The following GDAP2 variants were observed in gnomAD, a reference collection of about 807,000 sequenced individuals.
GDAP2 encodes the protein ganglioside induced differentiation associated protein 2, also known as ganglioside-induced differentiation-associated protein 2.
GDAP2 carries 51 observed loss-of-function variants against 67.0 expected under a neutral mutation model. The ratio of observed to expected loss-of-function variants is 0.76; its 90% confidence interval spans 0.61 to 0.96. The LOEUF is 0.96. Ranked by LOEUF, GDAP2 falls within the 40% of genes least tolerant of loss-of-function variation. The probability of loss-of-function intolerance (pLI) is 0.00; values close to 1 mark genes in which losing one functional copy is unlikely to be tolerated. For missense variants in GDAP2, 547 were observed against 588.3 expected (o/e 0.93, Z 0.73); for synonymous variants, 203 against 207.3 (o/e 0.98, Z 0.18).
Position 117,918,661 on chromosome 1 carries a change from AG to A in GDAP2, c.251del (p.Pro84LeufsTer14). The A allele has an allele frequency of 6.2e-7, 1 of 1,606,962 alleles. No homozygotes were observed. On this transcript the variant is annotated frameshift_variant, in exon 3 of 14. Coordinates refer to ENST00000369443, the MANE Select transcript of GDAP2 (RefSeq NM_017686.4). LOFTEE classifies it high-confidence loss of function. Reference sequence around the variant, plus strand: ...CAAGCATGAAGATACTTTCTGACACAGGATTCTTATCTGTGAGACTTTCATT... The same window carrying A: ...CAAGCATGAAGATACTTTCTGACACAGATTCTTATCTGTGAGACTTTCATT... ...TSNESLTDKNPVSESIFMLAG... is the reference protein window; with the variant it reads ...TSNESLTDKNXVSESIFMLAG...
intron 3 of GDAP2, 81 bp from the exon 4 acceptor site, chr1:117,912,764 A>G: frequency 8.3e-7 from 1 of 1,204,584 alleles, no homozygotes. Flanking sequence ...GAAACAGAGA[A>G]AGTATTGAGA....
In GDAP2 at chr1:117,912,016, C is replaced by G. The variant is rs765296534; in HGVS notation, c.537G>C (p.Glu179Asp). The stretch of plus-strand genomic sequence containing the variant: ...TACGAAGTGCTATGTGTGTTGCATC[C>G]TCTAAAGGATAACCACGTTTTGCAG... The part of the protein sequence containing the change: ...INSAKRGYPL[E>D]DATHIALRTV... Residue 179 changes from glutamate (E) to aspartate (D), a missense_variant, in exon 5 of 14, where the codon GAG (glutamate) becomes GAC (aspartate). Physicochemically the swap from Glu to Asp is conservative, Grantham distance 45 (BLOSUM62 2). Coordinates refer to ENST00000369443, the MANE Select transcript of GDAP2 (RefSeq NM_017686.4). 67 of 1,591,814 alleles carry G rather than the reference C, an allele frequency of 4.2e-5. No homozygotes were observed. Among genetic ancestry groups the G allele is most frequent in the Non-Finnish European group, 5.6e-5 (65 of 1,159,924 alleles).
Position 117,863,968 on chromosome 1 carries a change from C to A in GDAP2, c.*6601G>T, listed in dbSNP as rs1329080927. 1 of 152,140 alleles carries A rather than the reference C, an allele frequency of 6.6e-6. No individual in the cohort carries two copies. Among genetic ancestry groups the A allele is most frequent in the Non-Finnish European group, 1.5e-5 (1 of 68,016 alleles). The allele number at this position is 152,140 out of a possible 1,614,324, so 9.4% of individuals were successfully genotyped here. A position where few individuals can be genotyped will look rare whatever the true frequency, so the allele number is the denominator to read the frequency against. On this transcript the variant is annotated 3_prime_UTR_variant, in exon 14 of 14. Coordinates refer to ENST00000369443, the MANE Select transcript of GDAP2 (RefSeq NM_017686.4). ...TATCCCTGTTGAATACACAAAAACA[C>A]TGAGGTTCAGAAAAAGTTGAGAAAC...
chr1:117,904,495 CTTGT>C (rs1462391073), intron 6 of GDAP2, among the ~76,000 whole-genome samples: 4 of 152,142 alleles, frequency 2.6e-5, no homozygotes, highest in Non-Finnish European at 5.9e-5. Context: ...GTCTAATAAA[CTTGT>C]TTTTCATTAT....
At position 117,864,112 on chromosome 1, in the gene GDAP2, G is replaced by A. The variant is rs546958092; in HGVS notation, c.*6457C>T. The A allele has an allele frequency of 6.6e-6, 1 of 152,300 alleles. No homozygotes were observed. The highest frequency in any genetic ancestry group is 2.1e-4 in the South Asian group (1 of 4,824). 9.4% of individuals were successfully genotyped at this position (152,300 alleles called of 1,614,324 possible). ...GTGGAGTATATATGTGTTGGGTGTA[G>A]GAAAGTGCCCATGAACTTACTATGA... On this transcript the variant is annotated 3_prime_UTR_variant, in exon 14 of 14. Coordinates refer to ENST00000369443, the MANE Select transcript of GDAP2 (RefSeq NM_017686.4).
chr1:117,897,938 CCTATAT>C (rs1259915348), intron 7 of GDAP2, among the ~76,000 whole-genome samples: 3 of 152,156 alleles, frequency 2.0e-5, no homozygotes, highest in African/African-American at 7.2e-5. Context: ...AACACTACGG[CCTATAT>C]CTATAACATA....
intron 8 of GDAP2, among the ~76,000 whole-genome samples, chr1:117,896,364 G>T (rs1649264546): frequency 6.6e-6 from 1 of 152,200 alleles, no homozygotes; most frequent in African/African-American, 2.4e-5. Context: ...AATTGCTTTA[G>T]AAGACATATG....
chr1:117,919,350 G>A (rs1650161673), intron 2 of GDAP2, among the ~76,000 whole-genome samples: 1 of 150,942 alleles, frequency 6.6e-6, no homozygotes, highest in African/African-American at 2.5e-5. Context: ...CTCCAGCCTG[G>A]GCGACAGAGC....
At chr1:117,889,062 TTTAA>T (rs1648967272) in intron 8 of GDAP2, among the ~76,000 whole-genome samples, 1 of 152,172 alleles carries the variant, frequency 6.6e-6, no homozygotes, top group Admixed American at 6.6e-5. Context: ...GACAGTAGCT[TTTAA>T]TTTTGTTTCA....
At chr1:117,916,723 A>AT (rs1650055906) in intron 3 of GDAP2, among the ~76,000 whole-genome samples, 1 of 152,216 alleles carries the variant, frequency 6.6e-6, no homozygotes, top group Non-Finnish European at 1.5e-5. Flanking sequence ...GTTAATCCTA[A>AT]GGTTCCTTGA....
chr1:117,895,766 G>C (rs541311366), intron 8 of GDAP2, among the ~76,000 whole-genome samples: 2 of 152,144 alleles, frequency 1.3e-5, no homozygotes, highest in African/African-American at 4.8e-5. Context: ...GGAAGACCTG[G>C]GATTGAGGAG....
At chr1:117,894,982 G>A (rs1649217929) in intron 8 of GDAP2, among the ~76,000 whole-genome samples, 1 of 152,102 alleles carries the variant, frequency 6.6e-6, no homozygotes, top group Non-Finnish European at 1.5e-5. Flanking sequence ...GTAATGAAAT[G>A]TGTCAATACT....
intron 1 of GDAP2, among the ~76,000 whole-genome samples, chr1:117,921,081 G>C (rs971222200): frequency 1.3e-5 from 2 of 152,194 alleles, no homozygotes; most frequent in African/African-American, 4.8e-5. Context: ...AAGTACTAGA[G>C]AGAAGCAATG....
At chr1:117,912,846 T>G (rs1649908739) in intron 3 of GDAP2, among the ~76,000 whole-genome samples, 163 bp from the exon 4 acceptor site, 1 of 152,026 alleles carries the variant, frequency 6.6e-6, no homozygotes, top group South Asian at 2.1e-4. Context: ...GTTCCCAAAA[T>G]GACAGTGAAG....
intron 13 of GDAP2, chr1:117,877,180 G>T: frequency 1.8e-6 from 1 of 546,898 alleles, no homozygotes. Flanking sequence ...CACATAAGGG[G>T]AAAAAAATTA....
intron 11 of GDAP2, among the ~76,000 whole-genome samples, 153 bp from the exon 12 acceptor site, chr1:117,882,030 T>C (rs1022880677): frequency 2.0e-5 from 3 of 152,184 alleles, no homozygotes; most frequent in Non-Finnish European, 4.4e-5. Flanking sequence ...TTTAGGTGAA[T>C]GCCAAAAACA....
At chr1:117,893,294 AT>A (rs549876854) in intron 8 of GDAP2, among the ~76,000 whole-genome samples, 31 of 152,172 alleles carry the variant, frequency 2.0e-4, no homozygotes, top group Admixed American at 7.9e-4. Context: ...TTGCTTCCTA[AT>A]TTTGGTAAGT....
chr1:117,911,908 T>C lies in GDAP2; in HGVS notation c.559+86A>G, dbSNP rs796570453. ...CTCCTGCCTCAGCCTCCCAAGTCGC[T>C]GGAATTACAGGTATAAGCCACCATG... On this transcript the variant is annotated intron_variant, in intron 5 of 13. Coordinates refer to ENST00000369443, the MANE Select transcript of GDAP2 (RefSeq NM_017686.4). The C allele has an allele frequency of 9.5e-6, 7 of 736,458 alleles. No homozygotes were observed. The African/African-American group carries it at 1.2e-4, about 13-fold the overall frequency. 45.6% of individuals were successfully genotyped at this position (736,458 alleles called of 1,614,324 possible).
rs1649280127 is a variant in GDAP2 at position 117,896,827 on chromosome 1, TCTTA to T, written c.953+2_953+5del. 1.2e-6 allele frequency: 2 copies of T among 1,606,080 alleles called. No individual in the cohort carries two copies. On this transcript the variant is annotated splice_donor_variant and splice_donor_5th_base_variant and intron_variant, in intron 8 of 13. Coordinates refer to ENST00000369443, the MANE Select transcript of GDAP2 (RefSeq NM_017686.4). LOFTEE classifies it high-confidence loss of function. ...TGTATCTAACAGTCCTGAAGGGTTGTCTTACTTTCTTTGATGCTGCTTCTGCAGA... is the reference window on the plus strand; with the variant it reads ...TGTATCTAACAGTCCTGAAGGGTTGTCTTTCTTTGATGCTGCTTCTGCAGA...
Sources: gnomAD v4.1 joint callset for allele counts (sites outside exome capture counted in the v4.1 genomes callset) on GRCh38, gnomAD v4.1.1 for gene constraint, MANE v1.5 for transcripts, NCBI Gene and HGNC (gene_info 2026-07-23, HGNC 2026-07-21) for gene names.